Variants in PNPLA3 observed in about 807,000 individuals in gnomAD.
PNPLA3 encodes patatin like domain 3, 1-acylglycerol-3-phosphate O-acyltransferase.
A neutral mutation model predicts 43.1 loss-of-function variants in PNPLA3; 42 were observed. That is an observed-to-expected ratio of 0.97 (90% CI 0.76 to 1.26). PNPLA3 has a LOEUF of 1.26. Ranked by LOEUF, PNPLA3 falls within the 50% of genes most tolerant of loss-of-function variation. The pLI is 0.00. For missense variants in PNPLA3, 647 were observed against 621.4 expected, an observed-to-expected ratio of 1.04 and a Z score of -0.44; for synonymous variants, 272 against 253.6, an observed-to-expected ratio of 1.07 and a Z score of -0.69.
chr22:43,942,325 T>C (rs750073176), intron 7 of PNPLA3, among the ~76,000 whole-genome samples: 1 of 152,202 alleles, frequency 6.6e-6, no homozygotes, highest in Non-Finnish European at 1.5e-5. Context: ...GAGTCTCTAG[T>C]AAACTCCCAA....
At chr22:43,928,798 A>T in intron 2 of PNPLA3, 26 bp from the exon 3 acceptor site, 1 of 1,591,350 alleles carries the variant, frequency 6.3e-7, no homozygotes, top group African/African-American at 1.3e-5. Context: ...TCTCGCCTAT[A>T]ACTTCTCTCT....
chr22:43,933,148 G>T, intron 4 of PNPLA3, 61 bp downstream of exon 4: 1 of 1,463,138 alleles, frequency 6.8e-7, no homozygotes, highest in Non-Finnish European at 9.5e-7. Flanking sequence ...CTCCCTGATT[G>T]CCAGGAGCTA....
chr22:43,943,774 G>A (rs1291732808), intron 7 of PNPLA3, among the ~76,000 whole-genome samples: 1 of 152,038 alleles, frequency 6.6e-6, no homozygotes, highest in Non-Finnish European at 1.5e-5. Context: ...AAGTTAGTCT[G>A]TCATGTCCTT....
chr22:43,937,269 A>G lies in PNPLA3; in HGVS notation c.976A>G (p.Thr326Ala). 2 of 1,613,490 alleles carry G rather than the reference A, an allele frequency of 1.2e-6. No homozygotes were observed. Among genetic ancestry groups the G allele is most frequent in the African/African-American group, 2.7e-5 (2 of 75,042 alleles). Residue 326 changes from threonine to alanine, a missense_variant, in exon 6 of 9, where the codon ACA (threonine) becomes GCA (alanine). Coordinates refer to ENST00000216180, the MANE Select transcript of PNPLA3 (RefSeq NM_025225.3). Reference sequence around the variant, plus strand: ...GGACACCCTCTCGCCCAGGCTCGCTACAGGTACCCACTCCTCGGGGTGAGC... The same window carrying G: ...GGACACCCTCTCGCCCAGGCTCGCTGCAGGTACCCACTCCTCGGGGTGAGC... The part of the protein sequence containing the change: ...ILDTLSPRLA[T>A]ALSEEMKDKG...
At chr22:43,926,616 T>C (rs533277709) in intron 1 of PNPLA3, among the ~76,000 whole-genome samples, 44 of 152,308 alleles carry the variant, frequency 2.9e-4, no homozygotes, top group African/African-American at 9.9e-4. Context: ...CCACATTGAA[T>C]AAAGTAAAAG....
chr22:43,944,894 C>A (rs1246499394), intron 8 of PNPLA3, 99 bp downstream of exon 8: 7 of 1,078,786 alleles, frequency 6.5e-6, no homozygotes, highest in African/African-American at 1.5e-5. Context: ...GAACACCAAG[C>A]AAGGAGCTTG....
At chr22:43,934,537 C>G in intron 4 of PNPLA3, 69 bp from the exon 5 acceptor site, 1 of 1,474,844 alleles carries the variant, frequency 6.8e-7, no homozygotes, top group South Asian at 1.1e-5. Flanking sequence ...CTGCGGTCTT[C>G]CAATGATGCT....
At position 43,927,136 on chromosome 22, in the gene PNPLA3, C is replaced by CGA; in HGVS notation, c.389_390insGA (p.Asp131MetfsTer40). ...TCTGATGGGGAAAACGTTCTGGTGT[C>CGA]TGACTTTCGGTCCAAAGACGAAGTC... On this transcript the variant is annotated frameshift_variant, in exon 2 of 9. Coordinates refer to ENST00000216180, the MANE Select transcript of PNPLA3 (RefSeq NM_025225.3). LOFTEE classifies it high-confidence loss of function. 1 of 1,614,208 alleles carries CGA rather than the reference C, an allele frequency of 6.2e-7. No homozygotes were observed. Among genetic ancestry groups the CGA allele is most frequent in the East Asian group, 2.2e-5 (1 of 44,888 alleles).
chr22:43,942,298 C>A (rs184206173), intron 7 of PNPLA3, among the ~76,000 whole-genome samples: 24 of 152,310 alleles, frequency 1.6e-4, no homozygotes, highest in African/African-American at 5.3e-4. Context: ...TGGCTTTTCC[C>A]TGGTTTTTCT....
At position 43,928,672 on chromosome 22, in the gene PNPLA3, G is replaced by A. The variant is rs4410389; in HGVS notation, c.421-152G>A. On this transcript the variant is annotated intron_variant, in intron 2 of 8. Coordinates refer to ENST00000216180, the MANE Select transcript of PNPLA3 (RefSeq NM_025225.3). ...GCCTGAAGTCCGAGGGTGTATGTTA[G>A]TTCCCCGTTCTTTTGACCCATGGAT... is the stretch of plus-strand genomic sequence containing the variant. 8 of 369,550 alleles carry A rather than the reference G, an allele frequency of 2.2e-5. 1 individual carries two copies. The highest frequency in any genetic ancestry group is 1.7e-4 in the African/African-American group (8 of 48,182). The allele number at this position is 369,550 out of a possible 1,614,324, so 22.9% of individuals were successfully genotyped here.
At chr22:43,939,490 C>T (rs1325565929) in intron 6 of PNPLA3, 10 of 880,082 alleles carry the variant, frequency 1.1e-5, no homozygotes, top group East Asian at 1.1e-4. Context: ...CTGTGCTCCC[C>T]GCTTCAGCTT....
chr22:43,939,453 C>T (rs994775230), intron 6 of PNPLA3: 11 of 930,106 alleles, frequency 1.2e-5, no homozygotes, highest in South Asian at 4.9e-5. Context: ...CCCTATGCTC[C>T]GTAAGCACTC....
chr22:43,945,603 T>G (rs2050057883), intron 8 of PNPLA3, among the ~76,000 whole-genome samples: 1 of 151,964 alleles, frequency 6.6e-6, no homozygotes, highest in Admixed American at 6.5e-5. Context: ...GATTTAAAAG[T>G]AGGGGAATGC....
chr22:43,944,668 T>G (rs1372675856), intron 7 of PNPLA3, 23 bp from the exon 8 acceptor site: 1 of 1,600,906 alleles, frequency 6.2e-7, no homozygotes, highest in Non-Finnish European at 8.6e-7. Flanking sequence ...TGTGTGTTTG[T>G]GTACTTGGTC....
intron 1 of PNPLA3, 83 bp downstream of exon 1, chr22:43,924,181 G>C (rs1358631843): frequency 7.4e-7 from 1 of 1,348,420 alleles, no homozygotes; most frequent in East Asian, 3.1e-5. Flanking sequence ...CAGGGGTCGC[G>C]GGGCCCTGGA....
chr22:43,937,308 T>G (rs1056271739), intron 6 of PNPLA3, 36 bp downstream of exon 6: 2 of 1,588,210 alleles, frequency 1.3e-6, no homozygotes, highest in African/African-American at 2.7e-5. Flanking sequence ...GGCAGCACCT[T>G]GTTTTCTTTC....
chr22:43,926,465 A>G (rs2049923002), intron 1 of PNPLA3, among the ~76,000 whole-genome samples: 1 of 152,006 alleles, frequency 6.6e-6, no homozygotes. Flanking sequence ...TATGTGGGGC[A>G]TGGAGGTGGG....
intron 2 of PNPLA3, 55 bp downstream of exon 2, chr22:43,927,222 G>A (rs1339389768): frequency 2.6e-6 from 4 of 1,528,464 alleles, no homozygotes; most frequent in South Asian, 2.3e-5. Flanking sequence ...TTTTGGGATG[G>A]GTGTGGTGGC....
In PNPLA3 at chr22:43,932,907, C is replaced by T. The variant is rs780728282; in HGVS notation, c.516C>T (p.Asn172=). 2.3e-5 allele frequency: 37 copies of T among 1,614,090 alleles called. No individual in the cohort carries two copies. Among genetic ancestry groups the T allele is most frequent in the Non-Finnish European group, 2.7e-5 (32 of 1,180,030 alleles). ...ATGTGGATGGAGGAGTGAGTGACAACGTACCCTTCATTGATGCCAAAACAA... is the reference window on the plus strand; with the variant it reads ...ATGTGGATGGAGGAGTGAGTGACAATGTACCCTTCATTGATGCCAAAACAA... The part of the protein sequence containing the change: ...VRYVDGGVSD[N]VPFIDAKTTI... Residue 172 remains asparagine, a synonymous_variant, in exon 4 of 9, where the codon AAC becomes AAT. Transcript: ENST00000216180.
Sources: gnomAD v4.1 joint callset for allele counts (sites outside exome capture counted in the v4.1 genomes callset) on GRCh38, gnomAD v4.1.1 for gene constraint, MANE v1.5 for transcripts, NCBI Gene and HGNC (gene_info 2026-07-23, HGNC 2026-07-21) for gene names.